The following NRCAM variants were observed in gnomAD, a reference collection of about 807,000 sequenced individuals.
NRCAM encodes the protein neuronal cell adhesion molecule.
NRCAM carries 83 observed loss-of-function variants against 156.5 expected under a neutral mutation model. That is an observed-to-expected ratio of 0.53 (90% CI 0.44 to 0.64). NRCAM has a LOEUF of 0.64. NRCAM is among the 30% of genes least tolerant of loss of function. The pLI is 0.00. For synonymous variants in NRCAM, 538 were observed against 563.9 expected (o/e 0.95, Z 0.65); for missense variants, 1,417 against 1,597.3 (o/e 0.89, Z 1.92).
At chr7:108,220,434 C>T (rs2091808930) in intron 11 of NRCAM, among the ~76,000 whole-genome samples, 1 of 152,160 alleles carries the variant, frequency 6.6e-6, no homozygotes, top group African/African-American at 2.4e-5. Context: ...CTCACACTAC[C>T]TGATTTCAAA....
chr7:108,290,101 G>T (rs2098240325), intron 3 of NRCAM, among the ~76,000 whole-genome samples: 1 of 152,134 alleles, frequency 6.6e-6, no homozygotes, highest in African/African-American at 2.4e-5. Flanking sequence ...TTCAAAGGCT[G>T]CATCTCAAAG....
intron 3 of NRCAM, among the ~76,000 whole-genome samples, chr7:108,263,263 GA>G (rs1224942393): frequency 6.6e-6 from 1 of 152,180 alleles, no homozygotes; most frequent in Non-Finnish European, 1.5e-5. Flanking sequence ...CACCTTCACA[GA>G]AAAGAATTTC....
At chr7:108,189,512 T>C (rs2069689953) in intron 20 of NRCAM, 133 bp downstream of exon 20, 3 of 611,412 alleles carry the variant, frequency 4.9e-6, no homozygotes, top group Non-Finnish European at 8.6e-6. Context: ...CATAAATAAA[T>C]ATTTTTATTC....
At chr7:108,175,259 T>A in intron 28 of NRCAM, 63 bp downstream of exon 28, 1 of 1,362,706 alleles carries the variant, frequency 7.3e-7, no homozygotes, top group Non-Finnish European at 1.0e-6. Context: ...CATGCTGCAC[T>A]TCCCCATGTT....
intron 19 of NRCAM, among the ~76,000 whole-genome samples, chr7:108,190,610 T>C (rs890822749): frequency 6.6e-6 from 1 of 152,210 alleles, no homozygotes; most frequent in African/African-American, 2.4e-5. Context: ...TGTATTGACG[T>C]ACTGAATAAA....
chr7:108,194,393 T>C lies in NRCAM; in HGVS notation c.1499A>G (p.Asp500Gly). ...TCCATTTTCATGTAAAACATAAATA[T>C]CTTCATGAAGAGCACTTCCTTTAGC... The part of the protein sequence containing the change: ...KGAKGSALHE[D>G]IYVLHENGTL... Residue 500 changes from aspartate (D) to glycine (G), a missense_variant, in exon 16 of 33, where the codon GAT becomes GGT. Around this residue, in one of 2 missense-constraint regions of NRCAM, gnomAD observed 1,238 missense variants for 1,336.4 expected, o/e 0.93. Coordinates refer to ENST00000379028, the MANE Select transcript of NRCAM (RefSeq NM_001037132.4). 6.2e-7 allele frequency: 1 copy of C among 1,612,164 alleles called. No individual in the cohort carries two copies. Among genetic ancestry groups the C allele is most frequent in the Non-Finnish European group, 8.5e-7 (1 of 1,179,002 alleles).
chr7:108,268,966 C>T (rs537164826), intron 3 of NRCAM, among the ~76,000 whole-genome samples: 27 of 152,204 alleles, frequency 1.8e-4, no homozygotes, highest in African/African-American at 6.0e-4. Flanking sequence ...TTATTATCCT[C>T]GCTTTACAGA....
At chr7:108,153,651 A>G (rs755385947) in intron 32 of NRCAM, among the ~76,000 whole-genome samples, 2 of 152,160 alleles carry the variant, frequency 1.3e-5, no homozygotes, top group Non-Finnish European at 2.9e-5. Context: ...GGAAGCTATC[A>G]TTATTCATAA....
intron 27 of NRCAM, among the ~76,000 whole-genome samples, chr7:108,175,589 A>G (rs2060180372): frequency 6.6e-6 from 1 of 152,164 alleles, no homozygotes; most frequent in Admixed American, 6.5e-5. Context: ...CCAGTATTCA[A>G]ACACATTACT....
chr7:108,156,440 T>C, intron 32 of NRCAM: 6 of 983,422 alleles, frequency 6.1e-6, no homozygotes, highest in Non-Finnish European at 7.2e-6. Context: ...AGGATGCAGA[T>C]CCTACTGTCT....
chr7:108,173,602 C>A (rs1288315973), intron 28 of NRCAM, among the ~76,000 whole-genome samples: 1 of 152,112 alleles, frequency 6.6e-6, no homozygotes, highest in Non-Finnish European at 1.5e-5. Flanking sequence ...CTTATGTAAG[C>A]CATACTTAAC....
At chr7:108,326,508 G>T (rs1432614032) in intron 2 of NRCAM, among the ~76,000 whole-genome samples, 11 of 152,084 alleles carry the variant, frequency 7.2e-5, no homozygotes, top group African/African-American at 2.4e-4. Context: ...GAGAAAAATG[G>T]AAAGAAACCA....
chr7:108,334,603 G>T (rs944050944), intron 2 of NRCAM, among the ~76,000 whole-genome samples: 1 of 152,020 alleles, frequency 6.6e-6, no homozygotes, highest in African/African-American at 2.4e-5. Context: ...TCAACAACAA[G>T]ATCCAAGTCC....
intron 3 of NRCAM, among the ~76,000 whole-genome samples, chr7:108,278,165 G>C (rs1032966281): frequency 6.6e-6 from 1 of 152,202 alleles, no homozygotes; most frequent in Non-Finnish European, 1.5e-5. Flanking sequence ...CCTACTGGGA[G>C]GTGTCTCCCA....
In NRCAM at chr7:108,226,336, A is replaced by T; in HGVS notation, c.593T>A (p.Leu198Ter). The stretch of plus-strand genomic sequence containing the variant: ...ATTGGAAAAATAAAGGTCCCCATTC[A>T]AACCTTGAGAAACTCTCTCACTTTG... ...LPQSERVSQG[L>*]NGDLYFSNVL... The change falls in exon 9 of 33, where the codon TTG becomes TAG. Residue 198 changes from leucine (L) to a stop codon, truncating the protein, a stop_gained. Transcript: ENST00000379028. LOFTEE classifies it high-confidence loss of function. 6.2e-7 allele frequency: 1 copy of T among 1,612,816 alleles called. No homozygotes were observed. Among genetic ancestry groups the T allele is most frequent in the Non-Finnish European group, 8.5e-7 (1 of 1,179,006 alleles).
intron 2 of NRCAM, among the ~76,000 whole-genome samples, chr7:108,348,385 G>T (rs1464459024): frequency 6.6e-6 from 1 of 152,096 alleles, no homozygotes; most frequent in Admixed American, 6.5e-5. Flanking sequence ...TGTGAGGGAG[G>T]AGTCAGAAAT....
At chr7:108,414,172 A>G (rs1798721594) in intron 1 of NRCAM, among the ~76,000 whole-genome samples, 1 of 152,226 alleles carries the variant, frequency 6.6e-6, no homozygotes, top group Non-Finnish European at 1.5e-5. Context: ...ACAGGAGACA[A>G]GAAGGAGCTA....
At position 108,188,189 on chromosome 7, in the gene NRCAM, A is replaced by G. The variant is rs116416848; in HGVS notation, c.2035+1456T>C. Reference sequence around the variant, plus strand: ...CAACCAGGAGCCCAGAGTACAGTCTACACAGGAGGAGTTCTGCATTAGGCA... The same window carrying G: ...CAACCAGGAGCCCAGAGTACAGTCTGCACAGGAGGAGTTCTGCATTAGGCA... On this transcript the variant is annotated intron_variant, in intron 20 of 32. Coordinates refer to ENST00000379028, the MANE Select transcript of NRCAM (RefSeq NM_001037132.4). Among the ~76,000 whole-genome samples the G allele has an allele frequency of 3.5e-3, 528 of 152,268 alleles. 3 individuals are homozygous for G. The highest frequency in any genetic ancestry group is 0.012 in the African/African-American group (501 of 41,556).
intron 2 of NRCAM, among the ~76,000 whole-genome samples, chr7:108,356,477 G>A (rs1293878858): frequency 2.0e-5 from 3 of 152,066 alleles, no homozygotes; most frequent in Non-Finnish European, 2.9e-5. Context: ...GAGAAGAGGG[G>A]GCTACTGTAT....
Sources: allele counts gnomAD v4.1 joint callset (sites outside exome capture counted in the v4.1 genomes callset), GRCh38; gene constraint gnomAD v4.1.1; regional missense constraint gnomAD v4.1.1; transcripts MANE v1.5; gene names NCBI Gene and HGNC (gene_info 2026-07-23, HGNC 2026-07-21).